The following TNS2 variants were observed in gnomAD, a reference collection of about 807,000 sequenced individuals.
TNS2 encodes tensin-2.
In TNS2, 77 loss-of-function variants were observed where a neutral mutation model predicts 155.7. The observed-to-expected ratio is 0.49, with a 90% CI of 0.41 to 0.60. TNS2 has a LOEUF of 0.60. Ranked by LOEUF, TNS2 falls within the 20% of genes least tolerant of loss-of-function variation. The pLI, the probability that TNS2 is intolerant of heterozygous loss-of-function variation, is 0.00. For synonymous variants in TNS2, 726 were observed against 763.9 expected, an observed-to-expected ratio of 0.95 and a Z score of 0.82; for missense variants, 1,703 against 1,868.8, an observed-to-expected ratio of 0.91 and a Z score of 1.64.
Position 53,063,578 on chromosome 12 carries a change from C to T in TNS2, c.4077C>T (p.Asp1359=), listed in dbSNP as rs758550121. The change falls in exon 28 of 29, where the codon GAC becomes GAT. Residue 1359 remains aspartate, a synonymous_variant. Transcript: ENST00000314250. This position sits in a 1 kb window ranked among gnomAD's most constrained non-coding sequence, Gnocchi z 5.6. ...DPQDRRWTNP[D]GTTSKIFGFV... is the part of the protein sequence containing the mutation. ...CCTTCTGCAGATGGACCAACCCAGA[C>T]GGGACCACCTCCAAGTAAGCCTCCC... 5.3e-5 allele frequency: 86 copies of T among 1,613,774 alleles called. No homozygotes were observed. Among genetic ancestry groups the T allele is most frequent in the South Asian group, 2.6e-4 (24 of 91,074 alleles).
At chr12:53,058,898 A>G (rs1944265822) in intron 17 of TNS2, 71 bp downstream of exon 17, 2 of 1,574,716 alleles carry the variant, frequency 1.3e-6, no homozygotes, top group Non-Finnish European at 1.7e-6. Flanking sequence ...GCCAGGGAGA[A>G]GCACACTCCC....
In TNS2 at chr12:53,061,175, G is replaced by T. The variant is rs1013425195; in HGVS notation, c.3269G>T (p.Gly1090Val). 1 of 1,600,046 alleles carries T rather than the reference G, an allele frequency of 6.2e-7. No individual in the cohort carries two copies. The highest frequency in any genetic ancestry group is 8.5e-7 in the Non-Finnish European group (1 of 1,173,296). ...PGPGQQPGPW[G>V]PEQASSPARG... ...CCGGGGCAACAGCCAGGACCCTGGG[G>T]CCCAGAGCAGGCATCATCGCCAGCC... The change falls in exon 20 of 29, where the codon GGC becomes GTC. Residue 1090 changes from glycine (G) to valine (V), a missense_variant. Gly to Val is a moderately radical substitution (Grantham distance 109, BLOSUM62 -3). Transcript: ENST00000314250.
In TNS2 at chr12:53,063,724, C is replaced by G; in HGVS notation, c.4092-20C>G. The G allele has an allele frequency of 6.2e-7, 1 of 1,613,822 alleles. No homozygotes were observed. On this transcript the variant is annotated intron_variant, in intron 28 of 28. Coordinates refer to ENST00000314250, the MANE Select transcript of TNS2 (RefSeq NM_170754.4). This position sits in a 1 kb window ranked among gnomAD's most constrained non-coding sequence, Gnocchi z 5.6. ...TGTGGAAGGAATGTTAAGCCCCTTCCCCACCCTTTATCCCCCTAGGATCTT... is the reference window on the plus strand; with the variant it reads ...TGTGGAAGGAATGTTAAGCCCCTTCGCCACCCTTTATCCCCCTAGGATCTT...
In TNS2 at chr12:53,060,090, G is replaced by T. The variant is rs1195594657; in HGVS notation, c.2449G>T (p.Gly817Trp). The T allele has an allele frequency of 6.2e-7, 1 of 1,611,688 alleles. No individual in the cohort carries two copies. Among genetic ancestry groups the T allele is most frequent in the Admixed American group, 1.7e-5 (1 of 59,904 alleles). The change falls in exon 18 of 29, where the codon GGG (glycine) becomes TGG (tryptophan). Residue 817 changes from glycine (G) to tryptophan (W), a missense_variant. Gly to Trp is a radical substitution (Grantham distance 184). Coordinates refer to ENST00000314250, the MANE Select transcript of TNS2 (RefSeq NM_170754.4). This position sits in a 1 kb window ranked among gnomAD's most constrained non-coding sequence, Gnocchi z 6.1. ...HSCGSPGEGR[G>W]YPSPGAHSPR... Reference sequence around the variant, plus strand: ...CTGTGGCTCTCCAGGAGAGGGCAGAGGGTATCCCAGCCCTGGTGCCCACTC... The same window carrying T: ...CTGTGGCTCTCCAGGAGAGGGCAGATGGTATCCCAGCCCTGGTGCCCACTC...
chr12:53,053,966 G>C lies in TNS2; in HGVS notation c.302G>C (p.Gly101Ala), dbSNP rs1240867169. 6.2e-7 allele frequency: 1 copy of C among 1,614,164 alleles called. No individual in the cohort carries two copies. Among genetic ancestry groups the C allele is most frequent in the East Asian group, 2.2e-5 (1 of 44,878 alleles). Residue 101 changes from glycine (G) to alanine (A), a missense_variant and splice_region_variant, in exon 6 of 29, where the codon GGA becomes GCA. Physicochemically the swap from Gly to Ala is moderately conservative, Grantham distance 60. Transcript: ENST00000314250. ...TAPVRRIEHL[G>A]STKSLNHSKQ... The stretch of plus-strand genomic sequence containing the variant: ...TAGACACTGTCTGTTAACCACCAGG[G>C]ATCCACCAAATCTCTGAACCACTCA...
upstream of TNS2, chr12:53,049,779 A>T (rs1431248059): frequency 7.4e-6 from 2 of 271,874 alleles, no homozygotes; most frequent in Non-Finnish European, 1.4e-5. Flanking sequence ...CCCCGAGACC[A>T]GAATTCTCAC....
At chr12:53,061,792 G>T (rs1210568871) in intron 21 of TNS2, 23 bp from the exon 22 acceptor site, 2 of 1,603,104 alleles carry the variant, frequency 1.2e-6, no homozygotes, top group Admixed American at 1.7e-5. Context: ...CCTCCCCACT[G>T]CCCGCTACCC....
At chr12:53,055,739 C>T in intron 9 of TNS2, 42 bp from the exon 10 acceptor site, 1 of 1,614,218 alleles carries the variant, frequency 6.2e-7, no homozygotes, top group Non-Finnish European at 8.5e-7. Flanking sequence ...CCAGGTCAGC[C>T]TGGAGCTCCC....
Position 53,051,913 on chromosome 12 carries a change from T to A in TNS2, c.134T>A (p.Val45Asp). The stretch of plus-strand genomic sequence containing the variant: ...AAGGTTTTCCGGAAGAAACCTCCAG[T>A]CTGTGCAGTATGTAAGGTGACCATC... Reference protein sequence around the residue: ...REKVFRKKPPVCAVCKVTIDG... With the variant: ...REKVFRKKPPDCAVCKVTIDG... The change falls in exon 2 of 29, where the codon GTC (valine) becomes GAC (aspartate). Residue 45 changes from valine (V) to aspartate (D), a missense_variant. Coordinates refer to ENST00000314250, the MANE Select transcript of TNS2 (RefSeq NM_170754.4). 6.2e-7 allele frequency: 1 copy of A among 1,613,646 alleles called. No individual in the cohort carries two copies. The highest frequency in any genetic ancestry group is 8.5e-7 in the Non-Finnish European group (1 of 1,179,776).
At chr12:53,061,749 C>A in intron 21 of TNS2, 66 bp from the exon 22 acceptor site, 1 of 1,559,146 alleles carries the variant, frequency 6.4e-7, no homozygotes, top group East Asian at 2.2e-5. Context: ...AGGAGGGGGG[C>A]TGCATGGGGC....
intron 12 of TNS2, 33 bp from the exon 13 acceptor site, chr12:53,057,740 A>G (rs1246155848): frequency 1.2e-6 from 2 of 1,613,832 alleles, no homozygotes. Flanking sequence ...TCCACTCAGC[A>G]CCCCTCCTGT....
chr12:53,063,428 C>A lies in TNS2; in HGVS notation c.4061+11C>A, dbSNP rs1158507793. Reference sequence around the variant, plus strand: ...CCCTCAAGACCGGAGGTGACTCTCCCTCCAAACCCTTTGCCCCAAATCCCC... The same window carrying A: ...CCCTCAAGACCGGAGGTGACTCTCCATCCAAACCCTTTGCCCCAAATCCCC... On this transcript the variant is annotated intron_variant, in intron 27 of 28. Transcript: ENST00000314250. This position sits in a 1 kb window ranked among gnomAD's most constrained non-coding sequence, Gnocchi z 5.6. 20 of 1,613,830 alleles carry A rather than the reference C, an allele frequency of 1.2e-5. No individual in the cohort carries two copies. Among genetic ancestry groups the A allele is most frequent in the Non-Finnish European group, 1.6e-5 (19 of 1,180,006 alleles).
chr12:53,052,007 C>G, intron 2 of TNS2, 44 bp downstream of exon 2: 2 of 1,479,538 alleles, frequency 1.4e-6, no homozygotes, highest in Non-Finnish European at 1.9e-6. Flanking sequence ...CCACCCAGTA[C>G]CACTGTGTTG....
rs1944249088 is a variant in TNS2 at position 53,058,576 on chromosome 12, G to A, written c.1230G>A (p.Glu410=). 4 of 1,614,014 alleles carry A rather than the reference G, an allele frequency of 2.5e-6. No individual in the cohort carries two copies. Among genetic ancestry groups the A allele is most frequent in the South Asian group, 2.2e-5 (2 of 91,090 alleles). Residue 410 remains glutamate, a synonymous_variant, in exon 16 of 29, where the codon GAG becomes GAA. Coordinates refer to ENST00000314250, the MANE Select transcript of TNS2 (RefSeq NM_170754.4). ...KDQLDEAWTD[E]RFPFQASVEF... ...TTCACTGTCCACTCCCCATAGATGA[G>A]AGGTTCCCCTTCCAAGCCTCCGTGG...
intron 21 of TNS2, 76 bp from the exon 22 acceptor site, chr12:53,061,739 A>C: frequency 6.4e-7 from 1 of 1,552,078 alleles, no homozygotes; most frequent in South Asian, 1.2e-5. Context: ...TTGGCAGCAG[A>C]GGAGGGGGGC....
At chr12:53,055,082 C>A (rs974914220) in intron 7 of TNS2, 104 bp from the exon 8 acceptor site, 26 of 1,365,018 alleles carry the variant, frequency 1.9e-5, no homozygotes, top group Non-Finnish European at 2.6e-5. Flanking sequence ...CTGCGACCGG[C>A]CTGCACCTTA....
At chr12:53,047,080 G>C (rs1938026512), upstream of TNS2, 1 of 152,148 alleles carries the variant, frequency 6.6e-6, no homozygotes, top group South Asian at 2.0e-4. Flanking sequence ...GTGGGTTCGC[G>C]GGAGAAGGTG....
At chr12:53,062,876 C>T (rs1007494094) in intron 25 of TNS2, 179 bp downstream of exon 25, 7 of 944,884 alleles carry the variant, frequency 7.4e-6, no homozygotes, top group African/African-American at 5.0e-5. Context: ...TTCTCAAAGT[C>T]TCATGAACAA....
chr12:53,049,453 CAGG>C (rs1943844944), upstream of TNS2, among the ~76,000 whole-genome samples: 1 of 152,146 alleles, frequency 6.6e-6, no homozygotes, highest in Non-Finnish European at 1.5e-5. Context: ...TAGGCTGTGG[CAGG>C]AGAATGGATT....
Sources: allele counts gnomAD v4.1 joint callset (sites outside exome capture counted in the v4.1 genomes callset), GRCh38; gene constraint gnomAD v4.1.1; non-coding constraint Gnocchi (gnomAD v3.1); transcripts MANE v1.5; gene names NCBI Gene and HGNC (gene_info 2026-07-23, HGNC 2026-07-21).